The following SMURF1 variants were observed in gnomAD, a reference collection of about 807,000 sequenced individuals.
The protein encoded by SMURF1 is SMAD specific E3 ubiquitin protein ligase 1.
Under a neutral mutation model 98.0 loss-of-function variants are expected in SMURF1, and 44 were observed. That is an observed-to-expected ratio of 0.45 (90% CI 0.35 to 0.58). SMURF1 has a LOEUF of 0.58. Ranked by LOEUF, SMURF1 falls within the 20% of genes least tolerant of loss-of-function variation. SMURF1 has a pLI of 0.00. For synonymous variants in SMURF1, 396 were observed against 374.9 expected (o/e 1.06, Z -0.65); for missense variants, 687 against 938.4 (o/e 0.73, Z 3.50).
intron 7 of SMURF1, 76 bp downstream of exon 7, chr7:99,052,129 T>G: frequency 6.9e-7 from 1 of 1,442,048 alleles, no homozygotes; most frequent in Non-Finnish European, 9.2e-7. Flanking sequence ...CAAGACCTTG[T>G]CTCAAAAAAA....
In SMURF1 at chr7:99,038,372, C is replaced by T. The variant is rs201236439; in HGVS notation, c.1688+16G>A. On this transcript the variant is annotated intron_variant, in intron 14 of 17. Transcript: ENST00000361368. ...CGCGCCCCAGGCACCTGGCCGTCCC[C>T]GACAGGTGGCATTACCGGACGTATT... is the stretch of plus-strand genomic sequence containing the variant. 20 of 1,612,912 alleles carry T rather than the reference C, an allele frequency of 1.2e-5. No individual in the cohort carries two copies. The East Asian group carries it at 1.8e-4, about 14-fold the overall frequency.
rs1374797313 is a variant in SMURF1 at position 99,057,455 on chromosome 7, C to T, written c.300G>A (p.Leu100=). The change falls in exon 4 of 18, where the codon CTG becomes CTA. Residue 100 remains leucine, a synonymous_variant. Transcript: ENST00000361368. ...QGAGFLGCVR[L]LSNAISRLKD... is the part of the protein sequence containing the mutation. ...TTAATCTGCTGATGGCATTGGAGAG[C>T]AGCCGCACACAGCCCAGGAAGCCAG... is the stretch of plus-strand genomic sequence containing the variant. 19 of 1,603,286 alleles carry T rather than the reference C, an allele frequency of 1.2e-5. No homozygotes were observed. The highest frequency in any genetic ancestry group is 1.6e-5 in the Non-Finnish European group (19 of 1,177,604).
At chr7:99,129,580 T>C (rs1341937069) in intron 1 of SMURF1, among the ~76,000 whole-genome samples, 1 of 152,158 alleles carries the variant, frequency 6.6e-6, no homozygotes, top group East Asian at 1.9e-4. Context: ...TTTGTATAGA[T>C]AGGGTCTTGC....
At chr7:99,125,188 C>T (rs1308450682) in intron 1 of SMURF1, among the ~76,000 whole-genome samples, 4 of 152,200 alleles carry the variant, frequency 2.6e-5, no homozygotes, top group Non-Finnish European at 4.4e-5. Flanking sequence ...AAGAGATCCT[C>T]CTGCCTCAGC....
intron 8 of SMURF1, 164 bp from the exon 9 acceptor site, chr7:99,049,873 C>T: frequency 1.7e-6 from 1 of 580,476 alleles, no homozygotes; most frequent in Non-Finnish European, 2.9e-6. Context: ...TCTACTCAGT[C>T]CAGGCCTCTC....
intron 12 of SMURF1, among the ~76,000 whole-genome samples, chr7:99,041,199 C>A (rs936244492): frequency 2.0e-5 from 3 of 152,102 alleles, no homozygotes; most frequent in Non-Finnish European, 4.4e-5. Flanking sequence ...GTCAGGAGTT[C>A]GAGACCAGCC....
At chr7:99,126,003 C>T (rs1192231767) in intron 1 of SMURF1, among the ~76,000 whole-genome samples, 1 of 152,166 alleles carries the variant, frequency 6.6e-6, no homozygotes, top group Admixed American at 6.5e-5. Context: ...TCTCTCAGCC[C>T]ACCCAGATCT....
At chr7:99,033,902 G>C (rs915137693) in intron 16 of SMURF1, among the ~76,000 whole-genome samples, 1 of 152,356 alleles carries the variant, frequency 6.6e-6, no homozygotes, top group East Asian at 1.9e-4. Context: ...CAGGTGCTGG[G>C]AAAGGAGGGC....
At chr7:99,127,032 G>C (rs1221824104) in intron 1 of SMURF1, among the ~76,000 whole-genome samples, 1 of 152,176 alleles carries the variant, frequency 6.6e-6, no homozygotes, top group Non-Finnish European at 1.5e-5. Flanking sequence ...GCTGATAGAG[G>C]CTCCACCACA....
At chr7:99,140,971 C>A (rs1289062598) in intron 1 of SMURF1, among the ~76,000 whole-genome samples, 1 of 152,296 alleles carries the variant, frequency 6.6e-6, no homozygotes, top group East Asian at 1.9e-4. Context: ...TCAAACCTTT[C>A]GAGGTAAACT....
At chr7:99,073,640 CCTATAATCCCAG>C (rs778758815) in intron 1 of SMURF1, among the ~76,000 whole-genome samples, 2 of 151,940 alleles carry the variant, frequency 1.3e-5, no homozygotes, top group Non-Finnish European at 2.9e-5. Flanking sequence ...GTGGCATGCA[CCTATAATCCCAG>C]CTACTTGGGA....
chr7:99,043,911 A>C (rs556914740), intron 11 of SMURF1, among the ~76,000 whole-genome samples: 1 of 152,316 alleles, frequency 6.6e-6, no homozygotes, highest in Non-Finnish European at 1.5e-5. Flanking sequence ...GAAGCAGTGA[A>C]GTCTCAGGAC....
chr7:99,128,562 G>A (rs1797794783), intron 1 of SMURF1, among the ~76,000 whole-genome samples: 1 of 152,170 alleles, frequency 6.6e-6, no homozygotes, highest in Non-Finnish European at 1.5e-5. Context: ...TACTCTACAA[G>A]TTGGTCCTTA....
chr7:99,143,204 G>A (rs1211606990), intron 1 of SMURF1, among the ~76,000 whole-genome samples: 1 of 123,148 alleles, frequency 8.1e-6, no homozygotes, highest in Non-Finnish European at 1.7e-5. Flanking sequence ...CAGGTTTGGG[G>A]AGGAAAGGTG....
intron 1 of SMURF1, among the ~76,000 whole-genome samples, chr7:99,065,235 CA>C (rs1354890037): frequency 3.3e-5 from 5 of 151,934 alleles, no homozygotes; most frequent in African/African-American, 1.2e-4. Flanking sequence ...ACTGGGACCG[CA>C]GATAAACACC....
intron 1 of SMURF1, among the ~76,000 whole-genome samples, chr7:99,084,285 T>C (rs1163027700): frequency 2.0e-5 from 3 of 152,222 alleles, no homozygotes; most frequent in African/African-American, 7.2e-5. Context: ...TATTAATTGA[T>C]ATTTATTTAT....
rs1311421271 is a variant in SMURF1, at chr7:99,095,324, C to T, written c.56-33487G>A. Among the ~76,000 whole-genome samples, 5 of 152,298 alleles carry T rather than the reference C, an allele frequency of 3.3e-5. No individual in the cohort carries two copies. The East Asian group carries it at 9.7e-4, about 29-fold the overall frequency. ...TGAACTGCTGACCTCAGGTGATCCACCCACCTCAGCCTCCTAAAGTGCTGG... is the reference window on the plus strand; with the variant it reads ...TGAACTGCTGACCTCAGGTGATCCATCCACCTCAGCCTCCTAAAGTGCTGG... On this transcript the variant is annotated intron_variant, in intron 1 of 17. Transcript: ENST00000361368.
In SMURF1 at chr7:99,030,790, G is replaced by C. The variant is rs1407640955; in HGVS notation, c.2097-107C>G. 35 of 724,326 alleles carry C rather than the reference G, an allele frequency of 4.8e-5. No individual in the cohort carries two copies. In the Admixed American group the frequency reaches 7.2e-4, roughly 15 times the overall value. The allele number at this position is 724,326 out of a possible 1,614,324, so 44.9% of individuals were successfully genotyped here. A position where few individuals can be genotyped will look rare whatever the true frequency, so the allele number is the denominator to read the frequency against. On this transcript the variant is annotated intron_variant, in intron 17 of 17. Coordinates refer to ENST00000361368, the MANE Select transcript of SMURF1 (RefSeq NM_181349.3). ...GTATATGTGGGAGGGGAGAGGAATG[G>C]GGGGTGGGGCAGGGTTGGTGATGAG...
chr7:99,032,961 C>G lies in SMURF1; in HGVS notation c.2096+76G>C. 4 of 1,466,784 alleles carry G rather than the reference C, an allele frequency of 2.7e-6. No homozygotes were observed. The South Asian group carries it at 4.9e-5, about 18-fold the overall frequency. The allele number at this position is 1,466,784 out of a possible 1,614,324, so 90.9% of individuals were successfully genotyped here. On this transcript the variant is annotated intron_variant, in intron 17 of 17. Transcript: ENST00000361368. ...GCAGAGACTCCATCTCAAAAAAAAA[C>G]AACAAAAAAAAAACGTGAACGTCAG...
Sources: gnomAD v4.1 joint callset for allele counts (sites outside exome capture counted in the v4.1 genomes callset) on GRCh38, gnomAD v4.1.1 for gene constraint, MANE v1.5 for transcripts, NCBI Gene and HGNC (gene_info 2026-07-23, HGNC 2026-07-21) for gene names.